The following MDFIC2 variants were observed in gnomAD, a reference collection of about 807,000 sequenced individuals.
MDFIC2 encodes the protein myoD family inhibitor domain-containing protein 2.
chr3:70,254,637 G>A (rs1458388222), intron 2 of MDFIC2, among the ~76,000 whole-genome samples: 3 of 151,994 alleles, frequency 2.0e-5, no homozygotes, highest in Non-Finnish European at 4.4e-5. Context: ...ATGAAATCAG[G>A]GACTACCTAG....
At chr3:70,276,407 C>T (rs1185095695) in intron 2 of MDFIC2, among the ~76,000 whole-genome samples, 1 of 152,128 alleles carries the variant, frequency 6.6e-6, no homozygotes, top group Non-Finnish European at 1.5e-5. Flanking sequence ...TATAAGTAAA[C>T]ATTGTAACAA....
chr3:70,213,433 C>T (rs370493526), intron 2 of MDFIC2, among the ~76,000 whole-genome samples: 8 of 152,030 alleles, frequency 5.3e-5, no homozygotes, highest in East Asian at 1.9e-4. Context: ...ATATTTCAAA[C>T]GTATAGACCA....
intron 2 of MDFIC2, among the ~76,000 whole-genome samples, chr3:70,291,006 A>G (rs1442334172): frequency 6.6e-6 from 1 of 152,158 alleles, no homozygotes; most frequent in East Asian, 1.9e-4. Context: ...GGAAATGCAG[A>G]AATCACCGGT....
chr3:70,232,270 CTGT>C (rs1216602410), intron 2 of MDFIC2, among the ~76,000 whole-genome samples: 1 of 152,202 alleles, frequency 6.6e-6, no homozygotes, highest in Non-Finnish European at 1.5e-5. Flanking sequence ...ATTATTACTA[CTGT>C]TATTATAAGG....
intron 2 of MDFIC2, among the ~76,000 whole-genome samples, chr3:70,301,070 G>A (rs535235452): frequency 2.0e-5 from 3 of 151,944 alleles, no homozygotes; most frequent in African/African-American, 2.4e-5. Context: ...TAAAAAAGAC[G>A]ATGTTAGCTA....
At chr3:70,261,584 G>C (rs1298516275) in intron 2 of MDFIC2, among the ~76,000 whole-genome samples, 1 of 151,864 alleles carries the variant, frequency 6.6e-6, no homozygotes, top group Non-Finnish European at 1.5e-5. Flanking sequence ...CACCCTTTTT[G>C]GTTTCCCTGA....
Position 70,257,272 on chromosome 3 carries a change from T to C in MDFIC2, c.89-50482A>G, listed in dbSNP as rs13097487. On this transcript the variant is annotated intron_variant, in intron 2 of 3. Transcript: ENST00000567252. ...TGGCACATCTGGCCATTCAAAAAAG[T>C]TCAAGAATAGACTTCTTTGGTAATT... is the stretch of plus-strand genomic sequence containing the variant. Among the ~76,000 whole-genome samples, 587 of 152,296 alleles carry C rather than the reference T, an allele frequency of 3.9e-3. 2 individuals are homozygous for C. Among genetic ancestry groups the C allele is most frequent in the Non-Finnish European group, 6.4e-3 (436 of 68,028 alleles).
At chr3:70,287,318 T>A (rs1259623400) in intron 2 of MDFIC2, among the ~76,000 whole-genome samples, 1 of 145,772 alleles carries the variant, frequency 6.9e-6, no homozygotes, top group Non-Finnish European at 1.5e-5. Context: ...GAGATAATCA[T>A]GTGGTTTTTG....
Position 70,300,575 on chromosome 3 carries a change from A to G in MDFIC2, c.88+11311T>C, listed in dbSNP as rs536908661. ...TACTTTTCCCTGTTGAGTGTTTTCA[A>G]AAATTATATTTGATTCCTAATTAGT... On this transcript the variant is annotated intron_variant, in intron 2 of 3. Transcript: ENST00000567252. Among the ~76,000 whole-genome samples the G allele has an allele frequency of 1.3e-4, 20 of 152,158 alleles. No homozygotes were observed. In the East Asian group the frequency reaches 3.7e-3, roughly 28 times the overall value.
rs569132964 is a variant in MDFIC2 at position 70,312,170 on chromosome 3, TTTATA to T, written c.1-202_1-198del. The stretch of plus-strand genomic sequence containing the variant: ...AAAACATTGACATTGAAAACTAAAC[TTTATA>T]TGATATTTCTTTGCCCAGCAACAAA... On this transcript the variant is annotated intron_variant, in intron 1 of 3. Coordinates refer to ENST00000567252, the MANE Select transcript of MDFIC2 (RefSeq NM_001364677.1). Among the ~76,000 whole-genome samples the T allele has an allele frequency of 3.3e-5, 5 of 152,342 alleles. No individual in the cohort carries two copies. The South Asian group carries it at 1.0e-3, about 32-fold the overall frequency.
intron 2 of MDFIC2, among the ~76,000 whole-genome samples, chr3:70,215,553 A>G (rs1474103195): frequency 2.0e-5 from 3 of 152,028 alleles, no homozygotes; most frequent in Non-Finnish European, 4.4e-5. Context: ...GAAGCTTCCT[A>G]CAACTGTCCC....
intron 2 of MDFIC2, among the ~76,000 whole-genome samples, chr3:70,301,473 A>T (rs1471299910): frequency 6.6e-6 from 1 of 152,084 alleles, no homozygotes. Flanking sequence ...CTGAATTATA[A>T]GTTTCTTTAT....
intron 2 of MDFIC2, among the ~76,000 whole-genome samples, chr3:70,289,483 GC>G (rs1702207203): frequency 6.7e-6 from 1 of 149,476 alleles, no homozygotes. Flanking sequence ...CTCTCTGGCT[GC>G]CCTTAACATT....
intron 2 of MDFIC2, among the ~76,000 whole-genome samples, chr3:70,245,655 G>A (rs1478422254): frequency 4.3e-5 from 5 of 115,420 alleles, no homozygotes; most frequent in Admixed American, 3.0e-4. Context: ...CTTGCATAAC[G>A]TTTTTGCAAA....
At chr3:70,257,115 C>T (rs948919515) in intron 2 of MDFIC2, among the ~76,000 whole-genome samples, 3 of 152,120 alleles carry the variant, frequency 2.0e-5, no homozygotes, top group African/African-American at 4.8e-5. Flanking sequence ...TTAAAGCCAG[C>T]GCTACTTTTC....
intron 2 of MDFIC2, among the ~76,000 whole-genome samples, chr3:70,310,094 C>T (rs1038198582): frequency 6.6e-6 from 1 of 152,030 alleles, no homozygotes; most frequent in African/African-American, 2.4e-5. Flanking sequence ...CACAGGGGCT[C>T]TTTGATGCAT....
At chr3:70,243,706 G>C (rs1701681205) in intron 2 of MDFIC2, among the ~76,000 whole-genome samples, 1 of 152,058 alleles carries the variant, frequency 6.6e-6, no homozygotes, top group African/African-American at 2.4e-5. Flanking sequence ...CGTCCCCTGG[G>C]GAGTGAAATC....
At chr3:70,213,665 A>G (rs1701372448) in intron 2 of MDFIC2, among the ~76,000 whole-genome samples, 2 of 152,160 alleles carry the variant, frequency 1.3e-5, no homozygotes. Flanking sequence ...CCTTTGTATG[A>G]AAATTTTGTG....
intron 2 of MDFIC2, among the ~76,000 whole-genome samples, chr3:70,237,977 A>ATTTTTTTTTTTTTTTTTTT (rs1251005797): frequency 7.7e-5 from 1 of 13,006 alleles, no homozygotes; most frequent in African/African-American, 4.9e-4. Flanking sequence ...ATTGAGTGGT[A>ATTTTTTTTTTTTTTTTTTT]TCTTTTTTTT....
Sources: allele counts gnomAD v4.1 joint callset (sites outside exome capture counted in the v4.1 genomes callset), GRCh38; gene constraint gnomAD v4.1.1; transcripts MANE v1.5; gene names NCBI Gene and HGNC (gene_info 2026-07-23, HGNC 2026-07-21).